The following COL25A1 variants were observed in gnomAD, a reference collection of about 807,000 sequenced individuals.
The protein encoded by COL25A1 is collagen type XXV alpha 1 chain.
Under a neutral mutation model 128.4 loss-of-function variants are expected in COL25A1, and 103 were observed. The observed-to-expected ratio is 0.80, with a 90% CI of 0.68 to 0.94. The LOEUF (loss-of-function observed/expected upper bound fraction) is 0.94, where lower values mean the gene tolerates loss of function less well. COL25A1 is among the 40% of genes least tolerant of loss of function. The probability of loss-of-function intolerance (pLI) is 0.00; values close to 1 mark genes in which losing one functional copy is unlikely to be tolerated. For missense variants in COL25A1, 745 were observed against 840.0 expected (o/e 0.89, Z 1.40); for synonymous variants, 279 against 277.2 (o/e 1.01, Z -0.06).
intron 3 of COL25A1, among the ~76,000 whole-genome samples, chr4:109,250,602 C>G (rs1286640478): frequency 6.6e-6 from 1 of 152,146 alleles, no homozygotes; most frequent in Admixed American, 6.5e-5. Flanking sequence ...AAGTCTGTGC[C>G]CTAGCTTTAT....
At chr4:108,947,963 T>G (rs921897252) in intron 8 of COL25A1, among the ~76,000 whole-genome samples, 7 of 152,234 alleles carry the variant, frequency 4.6e-5, no homozygotes, top group African/African-American at 1.7e-4. Flanking sequence ...CTCTCTTTAA[T>G]GTAAATACTA....
At chr4:109,203,819 A>T (rs536093283) in intron 3 of COL25A1, among the ~76,000 whole-genome samples, 1 of 152,322 alleles carries the variant, frequency 6.6e-6, no homozygotes, top group Non-Finnish European at 1.5e-5. Flanking sequence ...AATTGTAATA[A>T]AATCAAATAA....
intron 5 of COL25A1, among the ~76,000 whole-genome samples, chr4:109,034,402 G>A (rs1344632501): frequency 3.3e-5 from 5 of 152,258 alleles, no homozygotes; most frequent in Non-Finnish European, 5.9e-5. Context: ...AATATATGGA[G>A]CATTAGAAAA....
chr4:109,083,448 A>ATTTTTTTTTTTTTTTTT (rs60165291), intron 3 of COL25A1, among the ~76,000 whole-genome samples: 7 of 77,010 alleles, frequency 9.1e-5, no homozygotes, highest in Non-Finnish European at 1.2e-4. Flanking sequence ...CACTAAATAA[A>ATTTTTTTTTTTTTTTTT]TTTTTTTTTT....
intron 3 of COL25A1, among the ~76,000 whole-genome samples, chr4:109,088,430 A>G (rs1465066359): frequency 6.6e-6 from 1 of 152,206 alleles, no homozygotes; most frequent in African/African-American, 2.4e-5. Flanking sequence ...TAAATTGACA[A>G]TTTAGAATTG....
Position 108,937,704 on chromosome 4 carries a change from T to C in COL25A1, c.708+104A>G, listed in dbSNP as rs1468290290. The C allele has an allele frequency of 6.2e-6, 6 of 968,452 alleles. No individual in the cohort carries two copies. The East Asian group carries it at 1.6e-4, about 26-fold the overall frequency. 60.0% of individuals were successfully genotyped at this position (968,452 alleles called of 1,614,324 possible). A position where few individuals can be genotyped will look rare whatever the true frequency, so the allele number is the denominator to read the frequency against. Reference sequence around the variant, plus strand: ...TTAACTTTTACTAATTTTCACTTTTTTATTATAGTCTGTCATATGACAGAT... The same window carrying C: ...TTAACTTTTACTAATTTTCACTTTTCTATTATAGTCTGTCATATGACAGAT... On this transcript the variant is annotated intron_variant, in intron 11 of 37. Coordinates refer to ENST00000399132, the MANE Select transcript of COL25A1 (RefSeq NM_198721.4).
intron 8 of COL25A1, among the ~76,000 whole-genome samples, chr4:108,961,209 T>C (rs1750638238): frequency 6.6e-6 from 1 of 152,178 alleles, no homozygotes; most frequent in South Asian, 2.1e-4. Context: ...AGAATCTGTA[T>C]TTATGGACAA....
At chr4:109,182,988 C>T (rs924090189) in intron 3 of COL25A1, among the ~76,000 whole-genome samples, 4 of 152,100 alleles carry the variant, frequency 2.6e-5, no homozygotes, top group African/African-American at 9.6e-5. Flanking sequence ...CTTTTTGTTC[C>T]CACTTCACTG....
intron 30 of COL25A1, 69 bp downstream of exon 30, chr4:108,844,450 G>A (rs1734836887): frequency 6.2e-7 from 1 of 1,613,200 alleles, no homozygotes; most frequent in Middle Eastern, 1.7e-4. Flanking sequence ...TTAGAGGGAT[G>A]TGTTCATGTT....
intron 16 of COL25A1, among the ~76,000 whole-genome samples, chr4:108,894,033 A>G (rs1437397081): frequency 1.3e-5 from 2 of 152,208 alleles, no homozygotes; most frequent in Admixed American, 1.3e-4. Context: ...GATAAAAAAA[A>G]GAATAACAAT....
At chr4:109,027,590 A>C (rs1406404256) in intron 5 of COL25A1, among the ~76,000 whole-genome samples, 1 of 152,150 alleles carries the variant, frequency 6.6e-6, no homozygotes, top group East Asian at 1.9e-4. Flanking sequence ...GGCAGTAGAA[A>C]GGCAGGGGTG....
chr4:109,276,538 A>G (rs1030746788), intron 3 of COL25A1, among the ~76,000 whole-genome samples: 1 of 152,122 alleles, frequency 6.6e-6, no homozygotes, highest in Admixed American at 6.6e-5. Context: ...GGTTTTATTC[A>G]ACTTACTGAG....
chr4:108,885,128 G>C (rs1164529135), intron 18 of COL25A1, among the ~76,000 whole-genome samples: 2 of 152,166 alleles, frequency 1.3e-5, no homozygotes, highest in Admixed American at 1.3e-4. Flanking sequence ...TGGCCAGTTA[G>C]TGGGATGACA....
intron 3 of COL25A1, among the ~76,000 whole-genome samples, chr4:109,275,793 C>T (rs1722781509): frequency 6.6e-6 from 1 of 152,160 alleles, no homozygotes; most frequent in South Asian, 2.1e-4. Context: ...AAGGCAATCA[C>T]TTGGTAAGGT....
intron 5 of COL25A1, among the ~76,000 whole-genome samples, chr4:109,039,005 G>A (rs569736448): frequency 4.6e-5 from 7 of 152,118 alleles, no homozygotes; most frequent in Admixed American, 6.5e-5. Context: ...AGGACTGAGA[G>A]CCACCTCCAC....
intron 8 of COL25A1, among the ~76,000 whole-genome samples, chr4:108,966,143 T>C (rs191871922): frequency 2.6e-5 from 4 of 152,312 alleles, no homozygotes; most frequent in Admixed American, 2.6e-4. Context: ...CTTTGCTCCA[T>C]ATAGTGAGTT....
intron 3 of COL25A1, among the ~76,000 whole-genome samples, chr4:109,288,974 C>T (rs955846257): frequency 4.0e-5 from 6 of 149,260 alleles, no homozygotes; most frequent in South Asian, 2.1e-4. Flanking sequence ...CACACACACA[C>T]ACACACACAC....
intron 6 of COL25A1, among the ~76,000 whole-genome samples, chr4:109,002,106 G>T (rs1755488939): frequency 6.6e-6 from 1 of 152,156 alleles, no homozygotes; most frequent in Admixed American, 6.5e-5. Flanking sequence ...GTACACGGTT[G>T]GTAGGGATGT....
chr4:109,019,164 A>G (rs1757468727), intron 5 of COL25A1, among the ~76,000 whole-genome samples: 1 of 151,842 alleles, frequency 6.6e-6, no homozygotes, highest in African/African-American at 2.4e-5. Flanking sequence ...AAAAACATGA[A>G]AAAGAGAGAC....
Sources: gnomAD v4.1 joint callset for allele counts (sites outside exome capture counted in the v4.1 genomes callset) on GRCh38, gnomAD v4.1.1 for gene constraint, MANE v1.5 for transcripts, NCBI Gene and HGNC (gene_info 2026-07-23, HGNC 2026-07-21) for gene names.